The following SOD2 variants were observed in gnomAD, a reference collection of about 807,000 sequenced individuals.
The protein encoded by SOD2 is superoxide dismutase [Mn], mitochondrial.
A neutral mutation model predicts 27.0 loss-of-function variants in SOD2; 11 were observed. That is an observed-to-expected ratio of 0.41 (90% CI 0.26 to 0.67). The LOEUF (loss-of-function observed/expected upper bound fraction) is 0.67. Among genes scored for constraint, SOD2 ranks in the 30% least tolerant of loss-of-function variants. SOD2 has a pLI of 0.34. For synonymous variants in SOD2, 105 were observed against 103.0 expected (o/e 1.02, Z -0.12); for missense variants, 250 against 274.5 (o/e 0.91, Z 0.63).
chr6:159,725,032 TAC>T (rs1466366412), intron 1 of SOD2, among the ~76,000 whole-genome samples: 2 of 152,092 alleles, frequency 1.3e-5, no homozygotes, highest in African/African-American at 4.8e-5. Flanking sequence ...AAAACACACC[TAC>T]ACAAAGAACC....
intron 1 of SOD2, chr6:159,754,956 T>TAA: frequency 7.0e-7 from 1 of 1,419,754 alleles, no homozygotes; most frequent in Non-Finnish European, 9.4e-7. Context: ...CCTTGCTTTG[T>TAA]GGCAGGCACT....
At chr6:159,743,318 A>T (rs1343720899) in intron 1 of SOD2, among the ~76,000 whole-genome samples, 1 of 152,244 alleles carries the variant, frequency 6.6e-6, no homozygotes, top group Non-Finnish European at 1.5e-5. Flanking sequence ...AAGTGCTGGG[A>T]TTACAGGCGT....
At chr6:159,697,079 ACG>A (rs1554260120), upstream of SOD2, among the ~76,000 whole-genome samples, 4 of 149,512 alleles carry the variant, frequency 2.7e-5, no homozygotes, top group African/African-American at 7.5e-5. Context: ...ACACACACAC[ACG>A]CAGTCAGCTA....
chr6:159,744,998 CCTT>C, intron 1 of SOD2: 1 of 152,198 alleles, frequency 6.6e-6, no homozygotes, highest in Non-Finnish European at 1.5e-5. Context: ...ATTTTCTCTA[CCTT>C]CTTAACACAT....
At position 159,691,140 on chromosome 6, in the gene SOD2, C is replaced by T. The variant is rs575824691; in HGVS notation, c.226+1521G>A. The stretch of plus-strand genomic sequence containing the variant: ...TGGGTTGTATTACATAAGTAAGGCT[C>T]TGATTCCACAAGTAAAGGACTGAAA... On this transcript the variant is annotated intron_variant, in intron 2 of 4. Coordinates refer to ENST00000538183, the MANE Select transcript of SOD2 (RefSeq NM_000636.4). The T allele has an allele frequency of 2.0e-5, 3 of 152,276 alleles. No individual in the cohort carries two copies. The South Asian group carries it at 6.2e-4, about 32-fold the overall frequency. The allele number at this position is 152,276 out of a possible 1,614,324, so 9.4% of individuals were successfully genotyped here.
chr6:159,682,496 C>CT lies in SOD2; in HGVS notation c.665dup (p.Ter223ValfsTer21). The CT allele has an allele frequency of 5.0e-6, 8 of 1,613,512 alleles. No homozygotes were observed. Among genetic ancestry groups the CT allele is most frequent in the Non-Finnish European group, 5.1e-6 (6 of 1,179,744 alleles). On this transcript the variant is annotated frameshift_variant, in exon 5 of 5. Transcript: ENST00000538183. LOFTEE classifies it high-confidence loss of function. The stretch of plus-strand genomic sequence containing the variant: ...TACTCAGCATAACGATCGTGGTTTA[C>CT]TTTTTGCAAGCCATGTATCTTTCAG...
At chr6:159,725,770 T>A (rs971004099) in intron 1 of SOD2, 1 of 151,714 alleles carries the variant, frequency 6.6e-6, no homozygotes, top group Admixed American at 6.6e-5. Flanking sequence ...AATATAAATA[T>A]ATATTTTTAT....
chr6:159,720,676 T>G (rs1433079893), intron 1 of SOD2: 1 of 151,410 alleles, frequency 6.6e-6, no homozygotes, highest in East Asian at 1.9e-4. Flanking sequence ...TCTTACGACT[T>G]TTTTTTTAGA....
chr6:159,756,360 G>A (rs1330608740), intron 1 of SOD2: 2 of 152,402 alleles, frequency 1.3e-5, no homozygotes, highest in African/African-American at 2.4e-5. Context: ...TTTAGCATTT[G>A]TCATTTTCAT....
At chr6:159,702,174 C>T (rs1175480133) in intron 1 of SOD2, among the ~76,000 whole-genome samples, 2 of 152,130 alleles carry the variant, frequency 1.3e-5, no homozygotes, top group Admixed American at 6.5e-5. Flanking sequence ...TATGCTGCTA[C>T]GCATTTGTAG....
intron 1 of SOD2, among the ~76,000 whole-genome samples, chr6:159,710,801 A>G (rs1048534719): frequency 2.0e-5 from 3 of 150,400 alleles, no homozygotes; most frequent in African/African-American, 7.4e-5. Flanking sequence ...TCTGACCTCC[A>G]TAACCGCCTC....
chr6:159,745,358 G>A (rs544608447), upstream of SOD2, among the ~76,000 whole-genome samples: 7 of 152,020 alleles, frequency 4.6e-5, no homozygotes, highest in Admixed American at 1.3e-4. Context: ...CAAGGCCTTC[G>A]GTGATACCTC....
chr6:159,710,954 T>A (rs758805634), intron 1 of SOD2, among the ~76,000 whole-genome samples: 2,346 of 122,304 alleles, frequency 0.019, 36 homozygotes, highest in Non-Finnish European at 0.03. Context: ...CCACTCACAC[T>A]GCTCTGACCT....
chr6:159,689,458 A>G (rs1171842926), intron 2 of SOD2, among the ~76,000 whole-genome samples: 2 of 152,224 alleles, frequency 1.3e-5, no homozygotes, highest in African/African-American at 4.8e-5. Flanking sequence ...AGTCTTTTCT[A>G]TGCCTTCAAG....
chr6:159,744,182 A>C (rs1779425545), intron 1 of SOD2, among the ~76,000 whole-genome samples: 1 of 152,172 alleles, frequency 6.6e-6, no homozygotes, highest in African/African-American at 2.4e-5. Context: ...CTCTGTGTAT[A>C]GAACTGTTTT....
At position 159,709,639 on chromosome 6, in the gene SOD2, A is replaced by G. The variant is rs547599487; in HGVS notation, c.-115-16776T>C. On this transcript the variant is annotated intron_variant, in intron 1 of 2. Transcript: ENST00000401980. ...ACAACAGGTGCTGGAGAGGATGTGG[A>G]GAAATAGGAACACTTTTACACTGTT... Among the ~76,000 whole-genome samples, 75 of 152,258 alleles carry G rather than the reference A, an allele frequency of 4.9e-4. No homozygotes were observed. The East Asian group carries it at 7.9e-3, about 16-fold the overall frequency.
At chr6:159,749,055 A>G (rs1202201311), upstream of SOD2, 3 of 990,796 alleles carry the variant, frequency 3.0e-6, no homozygotes, top group Non-Finnish European at 2.4e-6. Context: ...TTGGGGCTCT[A>G]TATTACTTGC....
chr6:159,750,755 AT>A (rs201675421), intron 1 of SOD2, among the ~76,000 whole-genome samples: 6 of 152,180 alleles, frequency 3.9e-5, no homozygotes, highest in African/African-American at 1.4e-4. Flanking sequence ...TTATAAATGG[AT>A]TTTTTTCTAT....
At chr6:159,689,281 A>G (rs1212247528) in intron 2 of SOD2, among the ~76,000 whole-genome samples, 1 of 152,148 alleles carries the variant, frequency 6.6e-6, no homozygotes, top group African/African-American at 2.4e-5. Flanking sequence ...TCCTCCTTCA[A>G]GTCTCCACTG....
Sources: gnomAD v4.1 joint callset for allele counts (sites outside exome capture counted in the v4.1 genomes callset) on GRCh38, gnomAD v4.1.1 for gene constraint, MANE v1.5 for transcripts, NCBI Gene and HGNC (gene_info 2026-07-23, HGNC 2026-07-21) for gene names.